The following IPO11 variants were observed in gnomAD, a reference collection of about 807,000 sequenced individuals.
IPO11 encodes the protein importin 11.
In IPO11, 66 loss-of-function variants were observed where a neutral mutation model predicts 143.2. The ratio of observed to expected loss-of-function variants is 0.46; its 90% CI spans 0.38 to 0.57. The LOEUF (loss-of-function observed/expected upper bound fraction) is 0.57, where lower values mean the gene tolerates loss of function less well. IPO11 is among the 20% of genes least tolerant of loss of function. The probability of loss-of-function intolerance (pLI) is 0.00; values close to 1 mark genes in which losing one functional copy is unlikely to be tolerated. For synonymous variants in IPO11, 385 were observed against 377.8 expected (o/e 1.02, Z -0.22); for missense variants, 1,026 against 1,141.0 (o/e 0.90, Z 1.45).
chr5:62,458,018 G>A (rs1308331054), intron 5 of IPO11, among the ~76,000 whole-genome samples: 23 of 151,596 alleles, frequency 1.5e-4, no homozygotes, highest in African/African-American at 4.8e-4. Flanking sequence ...GTGGTGGTGG[G>A]CGCCTGTAGT....
intron 24 of IPO11, among the ~76,000 whole-genome samples, chr5:62,542,585 G>A (rs1030529632): frequency 4.6e-5 from 7 of 151,986 alleles, no homozygotes; most frequent in Admixed American, 2.0e-4. Flanking sequence ...ATTTTTGACA[G>A]TGTCTGCAAG....
At chr5:62,474,692 A>G (rs1377040549) in intron 8 of IPO11, among the ~76,000 whole-genome samples, 2 of 152,206 alleles carry the variant, frequency 1.3e-5, no homozygotes, top group East Asian at 1.9e-4. Context: ...TTTTGTATCA[A>G]CTTTCTGAAG....
intron 1 of IPO11, among the ~76,000 whole-genome samples, chr5:62,429,606 GTGTGTGTGTGTGTGTGTGTGTA>G (rs1247169646): frequency 1.3e-5 from 2 of 149,244 alleles, no homozygotes; most frequent in Non-Finnish European, 1.5e-5. Context: ...GTGTGTGTGT[GTGTGTGTGTGTGTGTGTGTGTA>G]TGTGTTTATT....
At chr5:62,416,657 C>T (rs1743303037) in intron 1 of IPO11, among the ~76,000 whole-genome samples, 1 of 152,032 alleles carries the variant, frequency 6.6e-6, no homozygotes, top group Non-Finnish European at 1.5e-5. Flanking sequence ...TTCAGTTACT[C>T]CTTTTTCAAC....
At chr5:62,443,274 G>T in intron 3 of IPO11, 191 bp downstream of exon 3, 1 of 435,964 alleles carries the variant, frequency 2.3e-6, no homozygotes, top group East Asian at 3.7e-5. Flanking sequence ...TGAAGTGTTT[G>T]ATATTTAAAA....
Position 62,622,089 on chromosome 5 carries a change from A to G in IPO11, c.2764-5065A>G, listed in dbSNP as rs142131356. Reference sequence around the variant, plus strand: ...ACATGTTTTCTTTAGCCTGTTGTCTATATTCTTTTATTTTAATGCATATGG... The same window carrying G: ...ACATGTTTTCTTTAGCCTGTTGTCTGTATTCTTTTATTTTAATGCATATGG... On this transcript the variant is annotated intron_variant, in intron 29 of 29. Transcript: ENST00000325324. 3.3e-3 allele frequency among the ~76,000 whole-genome samples: 504 copies of G among 151,654 alleles called. 3 individuals are homozygous for G. The highest frequency in any genetic ancestry group is 0.012 in the African/African-American group (480 of 41,368).
At chr5:62,413,884 A>C (rs1743205123) in intron 1 of IPO11, among the ~76,000 whole-genome samples, 1 of 152,278 alleles carries the variant, frequency 6.6e-6, no homozygotes, top group Non-Finnish European at 1.5e-5. Context: ...CATCCATTGC[A>C]TGACACATAT....
At chr5:62,588,229 T>C (rs1407138212) in intron 27 of IPO11, among the ~76,000 whole-genome samples, 6 of 138,256 alleles carry the variant, frequency 4.3e-5, no homozygotes, top group Admixed American at 2.9e-4. Context: ...ACCACTAAAC[T>C]TTTTTTTTTT....
chr5:62,476,836 C>A, intron 9 of IPO11, 83 bp downstream of exon 9: 1 of 1,332,526 alleles, frequency 7.5e-7, no homozygotes, highest in South Asian at 1.7e-5. Flanking sequence ...TATAACCATA[C>A]ATTTTCACTT....
intron 29 of IPO11, among the ~76,000 whole-genome samples, chr5:62,606,597 G>A (rs1745728178): frequency 6.6e-6 from 1 of 152,000 alleles, no homozygotes; most frequent in Non-Finnish European, 1.5e-5. Flanking sequence ...AGCACTTCGG[G>A]AGGCCGAGAT....
intron 20 of IPO11, among the ~76,000 whole-genome samples, chr5:62,518,577 G>C (rs529400048): frequency 6.6e-6 from 1 of 152,126 alleles, no homozygotes; most frequent in African/African-American, 2.4e-5. Flanking sequence ...TCACACCCCT[G>C]CACTCTAGCC....
intron 3 of IPO11, chr5:62,443,388 T>A (rs1580184672): frequency 6.3e-5 from 1 of 15,790 alleles, no homozygotes; most frequent in Non-Finnish European, 1.2e-4. Flanking sequence ...TTTGAGTGTG[T>A]GTGTGTGTGT....
chr5:62,603,580 T>C (rs1480846490), intron 29 of IPO11, among the ~76,000 whole-genome samples: 1 of 152,212 alleles, frequency 6.6e-6, no homozygotes, highest in Non-Finnish European at 1.5e-5. Context: ...CAGGACACCA[T>C]TTCCTGACAG....
intron 22 of IPO11, 24 bp downstream of exon 22, chr5:62,530,809 C>A (rs1199873277): frequency 1.3e-6 from 2 of 1,555,710 alleles, no homozygotes; most frequent in African/African-American, 1.4e-5. Context: ...CATAAACTTA[C>A]TAATGTTTTT....
intron 29 of IPO11, among the ~76,000 whole-genome samples, chr5:62,619,048 T>C (rs1746248990): frequency 1.3e-5 from 2 of 152,050 alleles, no homozygotes; most frequent in South Asian, 2.1e-4. Context: ...CTGGCCAACA[T>C]GGTGAAACCC....
intron 21 of IPO11, among the ~76,000 whole-genome samples, chr5:62,529,293 T>G (rs1742464642): frequency 6.6e-6 from 1 of 152,150 alleles, no homozygotes. Flanking sequence ...TATATCTTAT[T>G]AAATGTAATA....
At chr5:62,545,604 C>G (rs1743141354) in intron 24 of IPO11, among the ~76,000 whole-genome samples, 1 of 152,180 alleles carries the variant, frequency 6.6e-6, no homozygotes, top group South Asian at 2.1e-4. Context: ...CAAATGGTAT[C>G]TAATTAAACT....
At chr5:62,429,173 C>T (rs539196167) in intron 1 of IPO11, among the ~76,000 whole-genome samples, 1 of 152,142 alleles carries the variant, frequency 6.6e-6, no homozygotes, top group Admixed American at 6.5e-5. Flanking sequence ...CACATTTCCC[C>T]CCAATTCCCC....
chr5:62,585,554 G>T (rs1448501480), intron 27 of IPO11, among the ~76,000 whole-genome samples: 2 of 152,166 alleles, frequency 1.3e-5, no homozygotes, highest in Non-Finnish European at 2.9e-5. Flanking sequence ...GTCATATATA[G>T]GGCTGAGTAA....
Sources: allele counts gnomAD v4.1 joint callset (sites outside exome capture counted in the v4.1 genomes callset), GRCh38; gene constraint gnomAD v4.1.1; transcripts MANE v1.5; gene names NCBI Gene and HGNC (gene_info 2026-07-23, HGNC 2026-07-21).